The following OPCML variants were observed in gnomAD, a reference collection of about 807,000 sequenced individuals.
OPCML encodes the protein opioid-binding protein/cell adhesion molecule.
Under a neutral mutation model 37.8 loss-of-function variants are expected in OPCML, and 13 were observed. The ratio of observed to expected loss-of-function variants is 0.34; its 90% CI spans 0.22 to 0.55. The LOEUF is 0.55. OPCML is among the 20% of genes least tolerant of loss of function. OPCML has a pLI of 0.91. For synonymous variants in OPCML, 176 were observed against 168.8 expected, an observed-to-expected ratio of 1.04 and a Z score of -0.33; for missense variants, 341 against 435.6, an observed-to-expected ratio of 0.78 and a Z score of 1.93.
intron 1 of OPCML, among the ~76,000 whole-genome samples, chr11:133,330,872 A>G (rs1026884539): frequency 1.3e-5 from 2 of 152,200 alleles, no homozygotes; most frequent in African/African-American, 2.4e-5. Flanking sequence ...CATTTGCACA[A>G]TTAAGAGGGG....
intron 7 of OPCML, among the ~76,000 whole-genome samples, chr11:132,424,223 C>T (rs544567853): frequency 5.3e-4 from 80 of 152,020 alleles, no homozygotes; most frequent in African/African-American, 1.8e-3. Flanking sequence ...GGGTTCACGC[C>T]GTTCTCCTGC....
chr11:132,695,781 T>TG (rs1426814758), intron 2 of OPCML, among the ~76,000 whole-genome samples: 2 of 151,698 alleles, frequency 1.3e-5, no homozygotes, highest in African/African-American at 4.8e-5. Context: ...AGAGCACAGG[T>TG]GAGGGAGGAT....
At chr11:133,458,610 T>C (rs1336511578) in intron 1 of OPCML, among the ~76,000 whole-genome samples, 1 of 88,796 alleles carries the variant, frequency 1.1e-5, no homozygotes, top group Non-Finnish European at 2.1e-5. Context: ...TGTGTGTGTA[T>C]ACACATATAT....
chr11:132,457,402 C>T (rs1467878833), intron 4 of OPCML, among the ~76,000 whole-genome samples: 1 of 152,192 alleles, frequency 6.6e-6, no homozygotes, highest in East Asian at 1.9e-4. Flanking sequence ...GATACATTTA[C>T]AAACACATAG....
At chr11:133,386,661 C>T (rs190453871) in intron 1 of OPCML, among the ~76,000 whole-genome samples, 6 of 152,322 alleles carry the variant, frequency 3.9e-5, no homozygotes, top group Non-Finnish European at 5.9e-5. Flanking sequence ...TTTCCCTCTG[C>T]GATGTCCTCT....
intron 1 of OPCML, among the ~76,000 whole-genome samples, chr11:133,457,987 G>C (rs1349920682): frequency 1.3e-5 from 2 of 151,388 alleles, no homozygotes; most frequent in East Asian, 3.9e-4. Context: ...TCTACTAAAA[G>C]TACAAAAAAT....
rs1018144927 is a variant in OPCML at position 133,208,382 on chromosome 11, C to T, written c.62-265372G>A. On this transcript the variant is annotated intron_variant, in intron 1 of 7. Transcript: ENST00000524381. This position sits in a 1 kb window ranked among gnomAD's most constrained non-coding sequence, Gnocchi z 8.9. ...GGCAGCTGGGGCATGGTAGAAAGGGCCATAGGTTAGGATTTTATAACTCTC... is the reference window on the plus strand; with the variant it reads ...GGCAGCTGGGGCATGGTAGAAAGGGTCATAGGTTAGGATTTTATAACTCTC... Among the ~76,000 whole-genome samples the T allele has an allele frequency of 2.0e-5, 3 of 152,104 alleles. No individual in the cohort carries two copies. Among genetic ancestry groups the T allele is most frequent in the Non-Finnish European group, 4.4e-5 (3 of 68,038 alleles).
chr11:132,501,387 G>T (rs1474066612), intron 4 of OPCML, among the ~76,000 whole-genome samples: 2 of 152,190 alleles, frequency 1.3e-5, no homozygotes, highest in Non-Finnish European at 2.9e-5. Flanking sequence ...AAATGGGATG[G>T]TTCCCTTTAT....
chr11:133,409,582 G>C (rs1377321869), intron 1 of OPCML, among the ~76,000 whole-genome samples: 1 of 152,120 alleles, frequency 6.6e-6, no homozygotes, highest in Non-Finnish European at 1.5e-5. Flanking sequence ...TTTATCCAGA[G>C]AGTTTTCTAC....
chr11:132,660,898 C>T (rs1257908943), intron 2 of OPCML, among the ~76,000 whole-genome samples: 2 of 152,118 alleles, frequency 1.3e-5, no homozygotes, highest in African/African-American at 4.8e-5. Flanking sequence ...AATTACACTG[C>T]AACCTCAGGC....
At chr11:133,175,890 C>T (rs1950365829) in intron 1 of OPCML, among the ~76,000 whole-genome samples, 1 of 152,010 alleles carries the variant, frequency 6.6e-6, no homozygotes, top group African/African-American at 2.4e-5. Flanking sequence ...AAAAAAAAGT[C>T]GTGCCTGTGG....
At chr11:132,478,982 G>C (rs2096167602) in intron 4 of OPCML, among the ~76,000 whole-genome samples, 2 of 152,080 alleles carry the variant, frequency 1.3e-5, no homozygotes, top group African/African-American at 4.8e-5. Context: ...CAAGGAGATA[G>C]AGCACATCAA....
intron 1 of OPCML, among the ~76,000 whole-genome samples, chr11:133,337,693 T>C (rs1943773939): frequency 6.6e-6 from 1 of 152,128 alleles, no homozygotes; most frequent in Non-Finnish European, 1.5e-5. Context: ...AAAACTTCCA[T>C]GTAAAAATGG....
chr11:133,195,425 C>A (rs1029543336), intron 1 of OPCML, among the ~76,000 whole-genome samples: 2 of 152,160 alleles, frequency 1.3e-5, no homozygotes, highest in Non-Finnish European at 2.9e-5. Flanking sequence ...TCTGCAAAAC[C>A]CCAGCTTGTC....
intron 4 of OPCML, among the ~76,000 whole-genome samples, chr11:132,483,289 CAA>C (rs1450036578): frequency 6.6e-6 from 1 of 150,422 alleles, no homozygotes; most frequent in African/African-American, 2.5e-5. Context: ...GACAAACAGC[CAA>C]ATCATGAGTG....
At chr11:133,006,813 C>T in intron 1 of OPCML, 1 of 985,426 alleles carries the variant, frequency 1.0e-6, no homozygotes, top group Non-Finnish European at 1.2e-6. Flanking sequence ...CTAGCAGGAG[C>T]AGTGACACCA....
intron 1 of OPCML, among the ~76,000 whole-genome samples, chr11:133,245,063 T>C (rs1940870839): frequency 6.6e-6 from 1 of 152,172 alleles, no homozygotes; most frequent in African/African-American, 2.4e-5. Flanking sequence ...ATGATTTCCC[T>C]GGGTTGATTC....
intron 2 of OPCML, among the ~76,000 whole-genome samples, chr11:132,712,476 C>A (rs974446624): frequency 6.6e-6 from 1 of 152,164 alleles, no homozygotes. Context: ...TGTCTGACAC[C>A]GGGCACACTG....
At chr11:132,537,083 T>C (rs1223859173) in intron 3 of OPCML, among the ~76,000 whole-genome samples, 3 of 152,216 alleles carry the variant, frequency 2.0e-5, no homozygotes, top group Non-Finnish European at 4.4e-5. Flanking sequence ...GAGCTCCTCC[T>C]GGGAACAGAG....
Sources: allele counts gnomAD v4.1 joint callset (sites outside exome capture counted in the v4.1 genomes callset), GRCh38; gene constraint gnomAD v4.1.1; non-coding constraint Gnocchi (gnomAD v3.1); transcripts MANE v1.5; gene names NCBI Gene and HGNC (gene_info 2026-07-23, HGNC 2026-07-21).